Variants in HPSE observed in about 807,000 individuals in gnomAD.
HPSE encodes the protein endo-glucoronidase.
Under a neutral mutation model 65.1 loss-of-function variants are expected in HPSE, and 48 were observed. That is an observed-to-expected ratio of 0.74 (90% CI 0.58 to 0.94). The LOEUF (loss-of-function observed/expected upper bound fraction) is 0.94. Ranked by LOEUF, HPSE falls within the 40% of genes least tolerant of loss-of-function variation. HPSE has a pLI of 0.00. For missense variants in HPSE, 644 were observed against 637.5 expected, an observed-to-expected ratio of 1.01 and a Z score of -0.11; for synonymous variants, 243 against 260.0, an observed-to-expected ratio of 0.93 and a Z score of 0.63.
At chr4:83,331,077 G>A (rs1356320150) in intron 1 of HPSE, among the ~76,000 whole-genome samples, 1 of 152,134 alleles carries the variant, frequency 6.6e-6, no homozygotes, top group Non-Finnish European at 1.5e-5. Flanking sequence ...GGTGGTGCAT[G>A]CCTCTAGTCC....
intron 5 of HPSE, 58 bp downstream of exon 5, chr4:83,310,662 ACT>A (rs1736331429): frequency 4.0e-6 from 6 of 1,500,552 alleles, no homozygotes; most frequent in East Asian, 2.3e-5. Flanking sequence ...ACAGAGTGAG[ACT>A]CTGTCTCAAA....
At chr4:83,297,856 C>T (rs902909119) in intron 11 of HPSE, among the ~76,000 whole-genome samples, 1 of 152,168 alleles carries the variant, frequency 6.6e-6, no homozygotes, top group East Asian at 1.9e-4. Flanking sequence ...GAAAATATCT[C>T]CAGCTAACAG....
At chr4:83,301,148 T>C (rs1280170930) in intron 10 of HPSE, 42 bp from the exon 11 acceptor site, 1 of 1,339,896 alleles carries the variant, frequency 7.5e-7, no homozygotes, top group East Asian at 2.4e-5. Context: ...ATGTATCTAA[T>C]TTAAGCAATT....
At position 83,334,627 on chromosome 4, in the gene HPSE, C is replaced by T. The variant is rs931669379; in HGVS notation, c.156G>A (p.Val52=). The change falls in exon 1 of 12, where the codon GTG becomes GTA. Residue 52 remains valine (V), a synonymous_variant. Transcript: ENST00000311412. Reference sequence around the variant, plus strand: ...TGGTGACGGACAGGAACGAGGGGCTCACCAGGTGCAGCGGCTCCTGGGTGA... The same window carrying T: ...TGGTGACGGACAGGAACGAGGGGCTTACCAGGTGCAGCGGCTCCTGGGTGA... ...DFFTQEPLHL[V]SPSFLSVTID... 11 of 1,590,376 alleles carry T rather than the reference C, an allele frequency of 6.9e-6. No homozygotes were observed. The highest frequency in any genetic ancestry group is 1.8e-5 in the Admixed American group (1 of 56,356).
chr4:83,307,560 CACAA>C (rs1271599971), intron 8 of HPSE, among the ~76,000 whole-genome samples: 2 of 152,146 alleles, frequency 1.3e-5, no homozygotes, highest in African/African-American at 4.8e-5. Context: ...GAGGTCCCTG[CACAA>C]ACAATGTGTG....
chr4:83,327,168 G>A (rs868722006), intron 1 of HPSE, among the ~76,000 whole-genome samples: 3 of 152,116 alleles, frequency 2.0e-5, no homozygotes, highest in East Asian at 1.9e-4. Context: ...TTGGCACACC[G>A]CTGGTGTTTA....
intron 8 of HPSE, among the ~76,000 whole-genome samples, chr4:83,308,271 G>A (rs1222532499): frequency 6.6e-6 from 1 of 152,058 alleles, no homozygotes; most frequent in African/African-American, 2.4e-5. Context: ...AGCCCAGTGC[G>A]GTGATACTCC....
intron 2 of HPSE, among the ~76,000 whole-genome samples, chr4:83,321,989 T>TTTA: frequency 7.2e-6 from 1 of 139,016 alleles, no homozygotes; most frequent in African/African-American, 2.7e-5. Context: ...CAGGACGCCT[T>TTTA]TTTTTTTTTT....
At chr4:83,295,740 C>T (rs2126180449) in intron 11 of HPSE, among the ~76,000 whole-genome samples, 1 of 152,246 alleles carries the variant, frequency 6.6e-6, no homozygotes, top group South Asian at 2.1e-4. Flanking sequence ...GCCAGAAATA[C>T]TTACTGTCTG....
Position 83,322,326 on chromosome 4 carries a change from GGA to G in HPSE, c.264_265del (p.Pro89CysfsTer24). 1 of 1,613,788 alleles carries G rather than the reference GGA, an allele frequency of 6.2e-7. No homozygotes were observed. Among genetic ancestry groups the G allele is most frequent in the Non-Finnish European group, 8.5e-7 (1 of 1,179,806 alleles). On this transcript the variant is annotated frameshift_variant, in exon 2 of 12. Transcript: ENST00000311412. LOFTEE classifies it high-confidence loss of function. ...GGTGCCACCAAACCTCAGGTACGCA[GGA>G]GACAAGCCTCTGGCCAAGGTACGAA...
chr4:83,318,837 C>G (rs1736759190), intron 3 of HPSE, among the ~76,000 whole-genome samples: 1 of 151,908 alleles, frequency 6.6e-6, no homozygotes, highest in African/African-American at 2.4e-5. Flanking sequence ...GGTAGCTGAG[C>G]TAGCCCTGTG....
rs1401450621 is a variant in HPSE, at chr4:83,292,993, C to A, written c.*2351G>T. On this transcript the variant is annotated 3_prime_UTR_variant, in exon 12 of 12. Transcript: ENST00000311412. ...CACCCCTGTAAGCAAAAAGTGTGTACCCCTAAAGCTATTAAAATAAAAAAT... is the reference window on the plus strand; with the variant it reads ...CACCCCTGTAAGCAAAAAGTGTGTAACCCTAAAGCTATTAAAATAAAAAAT... 6.6e-6 allele frequency: 1 copy of A among 152,140 alleles called. No individual in the cohort carries two copies. The highest frequency in any genetic ancestry group is 6.6e-5 in the Admixed American group (1 of 15,264). 9.4% of individuals were successfully genotyped at this position (152,140 alleles called of 1,614,324 possible).
chr4:83,293,673 A>G lies in HPSE; in HGVS notation c.*1671T>C, dbSNP rs1358065748. 6.6e-6 allele frequency: 1 copy of G among 152,222 alleles called. No homozygotes were observed. Among genetic ancestry groups the G allele is most frequent in the Non-Finnish European group, 1.5e-5 (1 of 68,040 alleles). The allele number at this position is 152,222 out of a possible 1,614,324, so 9.4% of individuals were successfully genotyped here. A position where few individuals can be genotyped will look rare whatever the true frequency, so the allele number is the denominator to read the frequency against. ...AGGTATTGGGTGTTTTCTAAAATTT[A>G]TCCTCTTGACAAATCAATTTCATTT... On this transcript the variant is annotated 3_prime_UTR_variant, in exon 12 of 12. Transcript: ENST00000311412.
chr4:83,294,223 G>A lies in HPSE; in HGVS notation c.*1121C>T, dbSNP rs917420395. On this transcript the variant is annotated 3_prime_UTR_variant, in exon 12 of 12. Coordinates refer to ENST00000311412, the MANE Select transcript of HPSE (RefSeq NM_001098540.3). ...AGCTGGGACTACAGGACCACACCCA[G>A]CTAATTTTTGTATTTTTTAGTAGAG... is the stretch of plus-strand genomic sequence containing the variant. 1.3e-5 allele frequency: 2 copies of A among 152,088 alleles called. No individual in the cohort carries two copies. Among genetic ancestry groups the A allele is most frequent in the African/African-American group, 4.8e-5 (2 of 41,380 alleles). 9.4% of individuals were successfully genotyped at this position (152,088 alleles called of 1,614,324 possible).
At position 83,295,239 on chromosome 4, in the gene HPSE, C is replaced by T. The variant is rs1560501593; in HGVS notation, c.*105G>A. ...ACAGTGTCCCAGTGTCTCTCAAGCA[C>T]CCACTAGTTGCTTTGCAAGGTATCT... On this transcript the variant is annotated 3_prime_UTR_variant, in exon 12 of 12. Coordinates refer to ENST00000311412, the MANE Select transcript of HPSE (RefSeq NM_001098540.3). 7.7e-6 allele frequency: 7 copies of T among 907,250 alleles called. No homozygotes were observed. The highest frequency in any genetic ancestry group is 3.5e-5 in the South Asian group (2 of 57,948). 56.2% of individuals were successfully genotyped at this position (907,250 alleles called of 1,614,324 possible).
At chr4:83,310,531 G>T (rs1042208586) in intron 5 of HPSE, among the ~76,000 whole-genome samples, 191 bp downstream of exon 5, 1 of 152,040 alleles carries the variant, frequency 6.6e-6, no homozygotes, top group Non-Finnish European at 1.5e-5. Flanking sequence ...AAGTAGCCAG[G>T]TGTGGTGATG....
chr4:83,309,934 A>T (rs1736301886), intron 6 of HPSE, 97 bp downstream of exon 6: 1 of 776,144 alleles, frequency 1.3e-6, no homozygotes, highest in African/African-American at 1.7e-5. Flanking sequence ...TTTGAACTGC[A>T]GTCAATTGGC....
rs368010347 is a variant in HPSE at position 83,322,296 on chromosome 4, G to A, written c.296C>T (p.Thr99Ile). The A allele has an allele frequency of 3.1e-6, 5 of 1,613,760 alleles. No individual in the cohort carries two copies. The highest frequency in any genetic ancestry group is 4.2e-6 in the Non-Finnish European group (5 of 1,179,814). ...CTTGGGATCGAAAATTAGGAAGTCT[G>A]TCTTGGTGCCACCAAACCTCAGGTA... Reference protein sequence around the residue: ...PAYLRFGGTKTDFLIFDPKKE... With the variant: ...PAYLRFGGTKIDFLIFDPKKE... Residue 99 changes from threonine to isoleucine, a missense_variant, in exon 2 of 12, where the codon ACA becomes ATA. Physicochemically the swap from Thr to Ile is moderately conservative, Grantham distance 89 (BLOSUM62 -1). Transcript: ENST00000311412.
At chr4:83,304,148 C>T (rs1189591828) in intron 9 of HPSE, among the ~76,000 whole-genome samples, 1 of 152,068 alleles carries the variant, frequency 6.6e-6, no homozygotes, top group African/African-American at 2.4e-5. Flanking sequence ...GGACAAGAGA[C>T]ATGACAAAGG....
Sources: gnomAD v4.1 joint callset for allele counts (sites outside exome capture counted in the v4.1 genomes callset) on GRCh38, gnomAD v4.1.1 for gene constraint, MANE v1.5 for transcripts, NCBI Gene and HGNC (gene_info 2026-07-23, HGNC 2026-07-21) for gene names.